The following OPCML variants were observed in gnomAD, a reference collection of about 807,000 sequenced individuals.
OPCML encodes the protein opioid-binding protein/cell adhesion molecule.
Under a neutral mutation model 37.8 loss-of-function variants are expected in OPCML, and 13 were observed. That is an observed-to-expected ratio of 0.34 (90% CI 0.22 to 0.55). The LOEUF (loss-of-function observed/expected upper bound fraction) is 0.55, where lower values mean the gene tolerates loss of function less well. OPCML is among the 20% of genes least tolerant of loss of function. The pLI is 0.91. For synonymous variants in OPCML, 176 were observed against 168.8 expected (o/e 1.04, Z -0.33); for missense variants, 341 against 435.6 (o/e 0.78, Z 1.93).
intron 1 of OPCML, among the ~76,000 whole-genome samples, chr11:133,119,578 A>C (rs1315615551): frequency 2.0e-5 from 3 of 152,134 alleles, no homozygotes; most frequent in Non-Finnish European, 4.4e-5. Flanking sequence ...ATTTCAGCAG[A>C]GGGGAGAAAC....
chr11:132,490,597 T>C (rs1452081626), intron 4 of OPCML, among the ~76,000 whole-genome samples: 7 of 151,930 alleles, frequency 4.6e-5, no homozygotes, highest in Non-Finnish European at 2.9e-5. Flanking sequence ...GGCGGGCGGA[T>C]CGTGAGGTCA....
intron 2 of OPCML, among the ~76,000 whole-genome samples, chr11:132,923,505 T>C (rs1944883045): frequency 1.3e-5 from 2 of 152,188 alleles, no homozygotes; most frequent in Non-Finnish European, 1.5e-5. Context: ...GTAAGACCTG[T>C]CATATATAGA....
chr11:133,348,265 C>T (rs915790745), intron 1 of OPCML, among the ~76,000 whole-genome samples: 1 of 152,138 alleles, frequency 6.6e-6, no homozygotes, highest in African/African-American at 2.4e-5. Flanking sequence ...GCCCAGATGC[C>T]AATTGAATCT....
chr11:133,095,355 C>T (rs1472940484), intron 1 of OPCML, among the ~76,000 whole-genome samples: 2 of 133,370 alleles, frequency 1.5e-5, no homozygotes, highest in African/African-American at 2.9e-5. Flanking sequence ...GTAAAGACCA[C>T]GGGACCTAAG....
chr11:132,661,566 G>A (rs1237240761), intron 2 of OPCML, among the ~76,000 whole-genome samples: 2 of 152,178 alleles, frequency 1.3e-5, no homozygotes, highest in Non-Finnish European at 2.9e-5. Flanking sequence ...TCATTAACAA[G>A]AAGCACAGAG....
At chr11:133,452,390 T>C (rs563114289) in intron 1 of OPCML, among the ~76,000 whole-genome samples, 1 of 151,748 alleles carries the variant, frequency 6.6e-6, no homozygotes, top group African/African-American at 2.4e-5. Context: ...TTTTAAGAAC[T>C]ATTTTTTTCT....
At chr11:132,960,216 A>C (rs1316945) in intron 1 of OPCML, among the ~76,000 whole-genome samples, 39,802 of 152,086 alleles carry the variant, frequency 0.26, 5,577 homozygotes, top group African/African-American at 0.33. Flanking sequence ...CGGCCCAATA[A>C]CCGTAACTTT....
chr11:132,719,738 ATG>A (rs1944614881), intron 2 of OPCML, among the ~76,000 whole-genome samples: 1 of 152,180 alleles, frequency 6.6e-6, no homozygotes, highest in Non-Finnish European at 1.5e-5. Flanking sequence ...AGCTAGAGAA[ATG>A]TGTGTCTTCT....
chr11:132,906,631 T>A (rs1040131608), intron 2 of OPCML, among the ~76,000 whole-genome samples: 45 of 152,188 alleles, frequency 3.0e-4, no homozygotes, highest in African/African-American at 1.1e-3. Context: ...TGTACTCTTC[T>A]CCTAATACCA....
intron 1 of OPCML, among the ~76,000 whole-genome samples, chr11:133,245,148 C>T (rs991636294): frequency 1.8e-4 from 28 of 152,330 alleles, no homozygotes; most frequent in African/African-American, 5.3e-4. Flanking sequence ...GCACCCTCCT[C>T]TAGTTCTTTG....
chr11:132,665,753 A>C (rs935460171), intron 2 of OPCML, among the ~76,000 whole-genome samples: 1 of 152,148 alleles, frequency 6.6e-6, no homozygotes, highest in Non-Finnish European at 1.5e-5. Context: ...GGGTATGTTG[A>C]GGAGATCACA....
intron 1 of OPCML, among the ~76,000 whole-genome samples, chr11:133,530,966 T>C (rs943717883): frequency 1.3e-5 from 2 of 152,160 alleles, no homozygotes; most frequent in African/African-American, 4.8e-5. Flanking sequence ...AACATAAAAC[T>C]GTATGTTTTA....
chr11:132,585,366 C>T (rs60765758), intron 3 of OPCML, among the ~76,000 whole-genome samples: 36,578 of 149,598 alleles, frequency 0.24, 4,991 homozygotes, highest in East Asian at 0.54. Flanking sequence ...AGAGGGACTT[C>T]CTTATGTTGA....
chr11:133,368,891 T>C (rs1279525758), intron 1 of OPCML, among the ~76,000 whole-genome samples: 1 of 152,244 alleles, frequency 6.6e-6, no homozygotes, highest in Non-Finnish European at 1.5e-5. Context: ...GATTTTGCCC[T>C]GGATATTTGA....
At chr11:132,468,748 G>C (rs1439153989) in intron 4 of OPCML, among the ~76,000 whole-genome samples, 2 of 152,172 alleles carry the variant, frequency 1.3e-5, no homozygotes, top group East Asian at 3.8e-4. Flanking sequence ...TTAAGGTAAA[G>C]CAGCTCTACC....
At chr11:133,204,056 C>G (rs1300699820) in intron 1 of OPCML, among the ~76,000 whole-genome samples, 1 of 28,078 alleles carries the variant, frequency 3.6e-5, no homozygotes, top group African/African-American at 2.0e-4. Flanking sequence ...GAGACTCTGT[C>G]TCAAAAAAAA....
chr11:133,082,843 T>C (rs1207020061), intron 1 of OPCML, among the ~76,000 whole-genome samples: 1 of 149,286 alleles, frequency 6.7e-6, no homozygotes, highest in Non-Finnish European at 1.5e-5. Context: ...GTCGCCAGCC[T>C]GCAGGGTGCC....
At chr11:133,476,642 G>C (rs887590939) in intron 1 of OPCML, among the ~76,000 whole-genome samples, 3 of 152,190 alleles carry the variant, frequency 2.0e-5, no homozygotes, top group South Asian at 2.1e-4. Flanking sequence ...AATGAACAAA[G>C]TAATCCCAAC....
intron 1 of OPCML, among the ~76,000 whole-genome samples, chr11:133,069,567 T>C (rs1319808366): frequency 2.0e-5 from 3 of 152,202 alleles, no homozygotes; most frequent in East Asian, 3.9e-4. Flanking sequence ...AACGTGTGTG[T>C]GCGACTACAC....
Sources: gnomAD v4.1 joint callset for allele counts (sites outside exome capture counted in the v4.1 genomes callset) on GRCh38, gnomAD v4.1.1 for gene constraint, MANE v1.5 for transcripts, NCBI Gene and HGNC (gene_info 2026-07-23, HGNC 2026-07-21) for gene names.